Variants in GFM2 observed in about 807,000 individuals in gnomAD.
GFM2 encodes ribosome-releasing factor 2, mitochondrial.
Under a neutral mutation model 95.4 loss-of-function variants are expected in GFM2, and 72 were observed. That is an observed-to-expected ratio of 0.76 (90% CI 0.62 to 0.92). The LOEUF (loss-of-function observed/expected upper bound fraction) is 0.92, where lower values mean the gene tolerates loss of function less well. Among genes scored for constraint, GFM2 ranks in the 40% least tolerant of loss-of-function variants. The pLI, the probability that GFM2 is intolerant of heterozygous loss-of-function variation, is 0.00. For synonymous variants in GFM2, 276 were observed against 317.5 expected, an observed-to-expected ratio of 0.87 and a Z score of 1.39; for missense variants, 825 against 924.1, an observed-to-expected ratio of 0.89 and a Z score of 1.39.
In GFM2 at chr5:74,730,399, C is replaced by G. The variant is rs1194619669; in HGVS notation, c.1588-1G>C. ...ACTCCCCCATACCACACAGAACAGT[C>G]TGGTTACCAGAGGAATGAAATAAAA... On this transcript the variant is annotated splice_acceptor_variant, in intron 16 of 20. Coordinates refer to ENST00000296805, the MANE Select transcript of GFM2 (RefSeq NM_032380.5). LOFTEE classifies it high-confidence loss of function. 1.3e-6 allele frequency: 2 copies of G among 1,574,302 alleles called. No individual in the cohort carries two copies. Among genetic ancestry groups the G allele is most frequent in the South Asian group, 2.4e-5 (2 of 84,466 alleles).
At position 74,751,419 on chromosome 5, in the gene GFM2, C is replaced by T. The variant is rs769792893; in HGVS notation, c.379G>A (p.Ala127Thr). The T allele has an allele frequency of 6.2e-7, 1 of 1,612,178 alleles. No homozygotes were observed. The highest frequency in any genetic ancestry group is 1.3e-5 in the African/African-American group (1 of 74,970). Residue 127 changes from alanine to threonine, a missense_variant, in exon 6 of 21, where the codon GCT becomes ACT. Coordinates refer to ENST00000296805, the MANE Select transcript of GFM2 (RefSeq NM_032380.5). Reference protein sequence around the residue: ...RERGITIQSAAVTFDWKGYRV... With the variant: ...RERGITIQSATVTFDWKGYRV... The stretch of plus-strand genomic sequence containing the variant: ...TAACCTTTCCAATCAAATGTAACAG[C>T]AGCTGATTGAATAGTAATGCCTCTT...
chr5:74,751,538 T>C (rs1743714472), intron 5 of GFM2, 45 bp from the exon 6 acceptor site: 2 of 1,481,808 alleles, frequency 1.3e-6, no homozygotes, highest in Non-Finnish European at 1.9e-6. Flanking sequence ...ATAGCAAGTG[T>C]ATTTTATTCG....
intron 10 of GFM2, among the ~76,000 whole-genome samples, 183 bp downstream of exon 10, chr5:74,745,495 G>A (rs1402785046): frequency 2.0e-5 from 3 of 152,134 alleles, no homozygotes; most frequent in African/African-American, 7.2e-5. Flanking sequence ...AAAGTATAGA[G>A]GAAGACATCA....
chr5:74,746,002 C>A, intron 9 of GFM2, 103 bp downstream of exon 9: 1 of 1,058,776 alleles, frequency 9.4e-7, no homozygotes, highest in South Asian at 1.6e-5. Flanking sequence ...ATTTATACCC[C>A]AACTTCTTCA....
chr5:74,723,262 T>C (rs1749997012), intron 19 of GFM2, among the ~76,000 whole-genome samples: 1 of 152,186 alleles, frequency 6.6e-6, no homozygotes, highest in South Asian at 2.1e-4. Context: ...CTCAAAAACG[T>C]TAAATCCTAT....
chr5:74,736,286 G>T, intron 15 of GFM2: 2 of 684,490 alleles, frequency 2.9e-6, no homozygotes, highest in Non-Finnish European at 3.6e-6. Flanking sequence ...AAAGAGTTTG[G>T]GTGTGTGCTA....
At chr5:74,759,301 C>A in intron 4 of GFM2, 68 bp downstream of exon 4, 4 of 873,068 alleles carry the variant, frequency 4.6e-6, no homozygotes, top group Non-Finnish European at 7.4e-6. Context: ...TCACTCTTGT[C>A]CATCAGAAAA....
intron 16 of GFM2, among the ~76,000 whole-genome samples, chr5:74,731,306 G>A (rs1181277199): frequency 6.6e-6 from 1 of 152,216 alleles, no homozygotes; most frequent in Non-Finnish European, 1.5e-5. Flanking sequence ...TCATATGAGG[G>A]AGAAACTGAC....
rs993221053 is a variant in GFM2, at chr5:74,758,745, C to T, written c.304+104G>A. ...TAAATTGTGGATTAGACATCAGTAGCTCTATGCCATATTCAAGGTGTGTAA... is the reference window on the plus strand; with the variant it reads ...TAAATTGTGGATTAGACATCAGTAGTTCTATGCCATATTCAAGGTGTGTAA... On this transcript the variant is annotated intron_variant, in intron 5 of 20. Coordinates refer to ENST00000296805, the MANE Select transcript of GFM2 (RefSeq NM_032380.5). The T allele has an allele frequency of 5.7e-6, 4 of 703,196 alleles. No individual in the cohort carries two copies. The Admixed American group carries it at 6.5e-5, about 11-fold the overall frequency. 43.6% of individuals were successfully genotyped at this position (703,196 alleles called of 1,614,324 possible). A position where few individuals can be genotyped will look rare whatever the true frequency, so the allele number is the denominator to read the frequency against.
chr5:74,740,105 A>G lies in GFM2; in HGVS notation c.963T>C (p.Ala321=). The change falls in exon 12 of 21, where the codon GCT becomes GCC. Residue 321 remains alanine, a synonymous_variant. Transcript: ENST00000296805. ...CACAAAGCACAGGCACTGCTGTCTG[A>G]GCTAGTGTCACTCTATGTATTGCAG... ...LQTAIHRVTL[A]QTAVPVLCGS... 6.2e-7 allele frequency: 1 copy of G among 1,606,014 alleles called. No individual in the cohort carries two copies. Among genetic ancestry groups the G allele is most frequent in the Non-Finnish European group, 8.5e-7 (1 of 1,177,122 alleles).
intron 19 of GFM2, chr5:74,725,030 T>C (rs1750084046): frequency 6.6e-6 from 1 of 152,206 alleles, no homozygotes; most frequent in Admixed American, 6.5e-5. Context: ...GAATCTGTTA[T>C]TCAGTGGGAC....
chr5:74,748,890 T>TGAATA lies in GFM2; in HGVS notation c.520-1111_520-1110insTATTC, dbSNP rs1554040868. ...CAAAATAAAATAAAATAAAATAAAA[T>TGAATA]AAATAAAATAAAATAAAATAAAAAA... On this transcript the variant is annotated intron_variant, in intron 7 of 20. Coordinates refer to ENST00000296805, the MANE Select transcript of GFM2 (RefSeq NM_032380.5). Among the ~76,000 whole-genome samples the TGAATA allele has an allele frequency of 6.0e-4, 46 of 76,806 alleles. 1 individual carries two copies. The South Asian group carries it at 0.017, about 29-fold the overall frequency. 50.4% of individuals were successfully genotyped at this position (76,806 alleles called of 152,430 possible).
intron 17 of GFM2, 88 bp downstream of exon 17, chr5:74,730,172 G>A: frequency 1.6e-6 from 2 of 1,247,816 alleles, no homozygotes; most frequent in Non-Finnish European, 2.2e-6. Flanking sequence ...GAAGACATTA[G>A]TGACTATGAA....
chr5:74,762,011 C>T (rs1268174018), intron 2 of GFM2, among the ~76,000 whole-genome samples: 1 of 152,168 alleles, frequency 6.6e-6, no homozygotes, highest in Admixed American at 6.5e-5. Flanking sequence ...TCTATCACAG[C>T]GTGCATAGTC....
intron 1 of GFM2, among the ~76,000 whole-genome samples, chr5:74,765,521 A>G (rs539754949): frequency 2.0e-5 from 3 of 152,322 alleles, no homozygotes; most frequent in African/African-American, 7.2e-5. Flanking sequence ...AAACAGTGAC[A>G]TTTAAGCAAA....
chr5:74,762,348 T>C (rs544443969), intron 2 of GFM2, among the ~76,000 whole-genome samples: 3 of 152,308 alleles, frequency 2.0e-5, no homozygotes, highest in African/African-American at 7.2e-5. Flanking sequence ...AATCAGAACA[T>C]GGTTCTGTTC....
intron 5 of GFM2, among the ~76,000 whole-genome samples, chr5:74,756,558 G>A (rs1743994401): frequency 1.3e-5 from 2 of 152,096 alleles, no homozygotes; most frequent in African/African-American, 2.4e-5. Context: ...TAGTGGGATT[G>A]CTGGATCAAA....
At chr5:74,751,240 A>C in intron 6 of GFM2, 128 bp downstream of exon 6, 1 of 842,726 alleles carries the variant, frequency 1.2e-6, no homozygotes, top group Non-Finnish European at 1.8e-6. Context: ...TACACTTAAA[A>C]ATGGTTGAGA....
intron 7 of GFM2, 94 bp downstream of exon 7, chr5:74,750,485 C>T: frequency 2.7e-6 from 2 of 752,820 alleles, no homozygotes; most frequent in South Asian, 1.7e-5. Context: ...GTGAACTTAC[C>T]AAATAGATGG....
Sources: allele counts gnomAD v4.1 joint callset (sites outside exome capture counted in the v4.1 genomes callset), GRCh38; gene constraint gnomAD v4.1.1; transcripts MANE v1.5; gene names NCBI Gene and HGNC (gene_info 2026-07-23, HGNC 2026-07-21).